MCC: variants seen among roughly 807,000 people sequenced by gnomAD.
The protein encoded by MCC is MCC regulator of Wnt signaling pathway, also known as colorectal mutant cancer protein.
In MCC, 90 loss-of-function variants were observed where a neutral mutation model predicts 116.2. That is an observed-to-expected ratio of 0.77 (90% confidence interval 0.65 to 0.92). The LOEUF (loss-of-function observed/expected upper bound fraction) is 0.92. MCC is among the 40% of genes least tolerant of loss of function. The pLI is 0.00. For missense variants in MCC, 1,516 were observed against 1,312.2 expected, an observed-to-expected ratio of 1.16 and a Z score of -2.40; for synonymous variants, 578 against 510.5, an observed-to-expected ratio of 1.13 and a Z score of -1.78.
In MCC at chr5:113,488,360, C is replaced by T. The variant is rs775217972; in HGVS notation, c.55G>A (p.Gly19Ser). 30 of 1,517,654 alleles carry T rather than the reference C, an allele frequency of 2.0e-5. No individual in the cohort carries two copies. Among genetic ancestry groups the T allele is most frequent in the South Asian group, 2.5e-5 (2 of 80,008 alleles). 94.0% of individuals were successfully genotyped at this position (1,517,654 alleles called of 1,614,324 possible). ...AAGSSSSGGG[G>S]GGSGSSSSSS... is the part of the protein sequence containing the mutation. Reference sequence around the variant, plus strand: ...CTGCTGCTGCTGCCGCTGCCGCCGCCGCCGCCGCCGCTGCTGGAGCTCCCC... The same window carrying T: ...CTGCTGCTGCTGCCGCTGCCGCCGCTGCCGCCGCCGCTGCTGGAGCTCCCC... Residue 19 changes from glycine to serine, a missense_variant, in exon 1 of 19, where the codon GGC becomes AGC. Physicochemically the swap from Gly to Ser is moderately conservative, Grantham distance 56. Transcript: ENST00000408903.
chr5:113,345,551 G>A (rs925400740), intron 2 of MCC, among the ~76,000 whole-genome samples: 1 of 152,258 alleles, frequency 6.6e-6, no homozygotes, highest in Admixed American at 6.5e-5. Flanking sequence ...CCAGTTCTAT[G>A]TGTCTCAGCA....
intron 3 of MCC, among the ~76,000 whole-genome samples, chr5:113,253,798 T>A (rs1365493727): frequency 1.3e-5 from 2 of 152,002 alleles, no homozygotes; most frequent in Admixed American, 1.3e-4. Context: ...GTCAAAGATA[T>A]TAGAAAACAC....
intron 3 of MCC, among the ~76,000 whole-genome samples, chr5:113,220,215 G>A (rs934631273): frequency 1.4e-5 from 2 of 145,002 alleles, no homozygotes; most frequent in African/African-American, 4.9e-5. Context: ...CCGCCACCAC[G>A]CCCAGCTAAT....
chr5:113,418,376 CAA>C (rs35808821), intron 1 of MCC, among the ~76,000 whole-genome samples: 1 of 151,722 alleles, frequency 6.6e-6, no homozygotes, highest in Non-Finnish European at 1.5e-5. Context: ...TTCATTGTGC[CAA>C]AGTTTACCTA....
At chr5:113,173,047 T>C (rs1048317506) in intron 3 of MCC, among the ~76,000 whole-genome samples, 1 of 152,196 alleles carries the variant, frequency 6.6e-6, no homozygotes, top group Admixed American at 6.5e-5. Context: ...ATATAACAGA[T>C]ATTAACTTTT....
chr5:113,139,572 T>C (rs1383133314), intron 5 of MCC, among the ~76,000 whole-genome samples: 1 of 152,118 alleles, frequency 6.6e-6, no homozygotes, highest in Non-Finnish European at 1.5e-5. Context: ...TCACACCAGT[T>C]AGAATGGCGA....
intron 3 of MCC, chr5:113,294,270 G>T: frequency 1.2e-6 from 2 of 1,611,280 alleles, no homozygotes; most frequent in South Asian, 1.1e-5. Context: ...AGGGGAGGGG[G>T]ATTTGTGGAA....
At chr5:113,258,221 T>C (rs541184905) in intron 3 of MCC, among the ~76,000 whole-genome samples, 1 of 152,216 alleles carries the variant, frequency 6.6e-6, no homozygotes, top group Non-Finnish European at 1.5e-5. Context: ...TTGTATATAA[T>C]AACATTAATA....
At chr5:113,441,713 T>C (rs1166478793) in intron 1 of MCC, among the ~76,000 whole-genome samples, 3 of 152,216 alleles carry the variant, frequency 2.0e-5, no homozygotes, top group African/African-American at 7.2e-5. Context: ...CCACATGTTC[T>C]CATTGTTCAA....
chr5:113,042,110 C>T (rs1175109244), intron 17 of MCC, among the ~76,000 whole-genome samples: 2 of 151,880 alleles, frequency 1.3e-5, no homozygotes, highest in Non-Finnish European at 2.9e-5. Context: ...AAGAAAGAGT[C>T]ACAAAACTCA....
At chr5:113,370,954 C>T (rs962978385) in intron 2 of MCC, among the ~76,000 whole-genome samples, 2 of 152,124 alleles carry the variant, frequency 1.3e-5, no homozygotes, top group African/African-American at 2.4e-5. Flanking sequence ...TGGTGGCTCA[C>T]GCTTGCATAT....
At position 113,454,484 on chromosome 5, in the gene MCC, GGT is replaced by G. The variant is rs148498037; in HGVS notation, c.170+33759_170+33760del. Among the ~76,000 whole-genome samples, 1,297 of 152,244 alleles carry G rather than the reference GGT, an allele frequency of 8.5e-3. 21 individuals carry two copies. Among genetic ancestry groups the G allele is most frequent in the African/African-American group, 0.03 (1,243 of 41,528 alleles). The stretch of plus-strand genomic sequence containing the variant: ...GGCAGATGGATGATTGCCTTGAAAA[GGT>G]GTCACTTTTCTAGTTAAATGTCAGT... On this transcript the variant is annotated intron_variant, in intron 1 of 18. Coordinates refer to ENST00000408903, the MANE Select transcript of MCC (RefSeq NM_001085377.2).
chr5:113,459,465 G>A (rs1008874847), intron 1 of MCC, among the ~76,000 whole-genome samples: 4 of 151,396 alleles, frequency 2.6e-5, no homozygotes, highest in African/African-American at 7.3e-5. Context: ...ATGAACCCAG[G>A]AGGTAGAGCT....
intron 11 of MCC, among the ~76,000 whole-genome samples, chr5:113,080,651 C>T (rs7732048): frequency 0.34 from 51,151 of 151,676 alleles, 8,638 homozygotes; most frequent in Middle Eastern, 0.39. Flanking sequence ...CGGGGCCTGT[C>T]GTGGGGTGGA....
Position 113,027,189 on chromosome 5 carries a change from AC to A in MCC, c.*112del. Reference sequence around the variant, plus strand: ...CACTCCATTGTCCAAGTGCCGACCTACCTGCCAGCCTTCCCTTTCCTCCTCC... The same window carrying A: ...CACTCCATTGTCCAAGTGCCGACCTACTGCCAGCCTTCCCTTTCCTCCTCC... On this transcript the variant is annotated 3_prime_UTR_variant, in exon 19 of 19. Coordinates refer to ENST00000408903, the MANE Select transcript of MCC (RefSeq NM_001085377.2). 5 of 1,150,406 alleles carry A rather than the reference AC, an allele frequency of 4.3e-6. No homozygotes were observed. The highest frequency in any genetic ancestry group is 2.6e-5 in the Admixed American group (1 of 38,720). 71.3% of individuals were successfully genotyped at this position (1,150,406 alleles called of 1,614,324 possible).
At chr5:113,109,528 A>C (rs555729098) in intron 6 of MCC, among the ~76,000 whole-genome samples, 2 of 152,264 alleles carry the variant, frequency 1.3e-5, no homozygotes, top group South Asian at 4.2e-4. Flanking sequence ...TAACGGGTAC[A>C]GAGTTTATGT....
intron 3 of MCC, among the ~76,000 whole-genome samples, chr5:113,152,581 A>G (rs1759946733): frequency 6.6e-6 from 1 of 152,214 alleles, no homozygotes; most frequent in Admixed American, 6.5e-5. Context: ...ACGTAACTCA[A>G]CTTTGAAGAT....
rs558545949 is a variant in MCC, at chr5:113,151,467, G to GT, written c.628-46dup. Reference sequence around the variant, plus strand: ...GAGATTAGAGTATTGTAGCAGAGATGTATTTCCTTCCCTTCATTCCCGCAA... The same window carrying GT: ...GAGATTAGAGTATTGTAGCAGAGATGTTATTTCCTTCCCTTCATTCCCGCAA... On this transcript the variant is annotated intron_variant, in intron 3 of 18. Transcript: ENST00000408903. 1.1e-3 allele frequency: 1,147 copies of GT among 1,081,044 alleles called. 8 individuals are homozygous for GT. The Middle Eastern group carries it at 0.012, about 11-fold the overall frequency. 67.0% of individuals were successfully genotyped at this position (1,081,044 alleles called of 1,614,324 possible).
At chr5:113,397,511 C>T (rs1010729732) in intron 1 of MCC, among the ~76,000 whole-genome samples, 1 of 151,900 alleles carries the variant, frequency 6.6e-6, no homozygotes, top group Admixed American at 6.6e-5. Flanking sequence ...TTTTAAGTCA[C>T]CTAATTTATA....
Sources: allele counts gnomAD v4.1 joint callset (sites outside exome capture counted in the v4.1 genomes callset), GRCh38; gene constraint gnomAD v4.1.1; transcripts MANE v1.5; gene names NCBI Gene and HGNC (gene_info 2026-07-23, HGNC 2026-07-21).